Variants in KCND2 observed in about 807,000 individuals in gnomAD.
KCND2 encodes the protein A-type voltage-gated potassium channel KCND2.
In KCND2, 16 loss-of-function variants were observed where a neutral mutation model predicts 54.4. That is an observed-to-expected ratio of 0.29 (90% CI 0.20 to 0.45). The LOEUF (loss-of-function observed/expected upper bound fraction) is 0.45, where lower values mean the gene tolerates loss of function less well. KCND2 is among the 20% of genes least tolerant of loss of function. The pLI is 1.00. For missense variants in KCND2, 486 were observed against 824.2 expected (o/e 0.59, Z 5.02); for synonymous variants, 317 against 310.7 (o/e 1.02, Z -0.21).
intron 1 of KCND2, among the ~76,000 whole-genome samples, chr7:120,316,989 C>T (rs984293637): frequency 6.6e-6 from 1 of 152,016 alleles, no homozygotes; most frequent in African/African-American, 2.4e-5. Context: ...GCGCATTCAA[C>T]GATGCCCAGC....
intron 1 of KCND2, among the ~76,000 whole-genome samples, chr7:120,460,116 A>G (rs774595491): frequency 7.2e-5 from 11 of 152,112 alleles, no homozygotes; most frequent in Non-Finnish European, 1.2e-4. Context: ...TCCTAGCTAT[A>G]TTCTAGGGTA....
At chr7:120,669,893 T>C (rs1791970391) in intron 1 of KCND2, among the ~76,000 whole-genome samples, 2 of 152,056 alleles carry the variant, frequency 1.3e-5, no homozygotes, top group Admixed American at 1.3e-4. Flanking sequence ...AGAGGGAGGG[T>C]ACACATTCAC....
intron 1 of KCND2, among the ~76,000 whole-genome samples, chr7:120,293,661 T>C (rs1799469553): frequency 1.3e-5 from 2 of 151,866 alleles, no homozygotes; most frequent in South Asian, 4.1e-4. Flanking sequence ...TCACAGAAGC[T>C]CTCACTTAAT....
intron 1 of KCND2, among the ~76,000 whole-genome samples, chr7:120,534,364 T>C (rs1360658541): frequency 6.6e-6 from 1 of 152,136 alleles, no homozygotes; most frequent in Non-Finnish European, 1.5e-5. Context: ...TTCATCCTCC[T>C]TACCTAACCC....
intron 1 of KCND2, among the ~76,000 whole-genome samples, chr7:120,443,352 A>AAT (rs1554440159): frequency 4.1e-5 from 6 of 146,594 alleles, no homozygotes; most frequent in African/African-American, 1.0e-4. Context: ...TAACAATAAT[A>AAT]AATAATAATA....
chr7:120,354,853 C>T (rs1800475091), intron 1 of KCND2, among the ~76,000 whole-genome samples: 1 of 152,100 alleles, frequency 6.6e-6, no homozygotes, highest in Admixed American at 6.6e-5. Flanking sequence ...AAAAGAAAAC[C>T]CATAACATTG....
At chr7:120,468,638 G>T (rs557910835) in intron 1 of KCND2, among the ~76,000 whole-genome samples, 4 of 151,964 alleles carry the variant, frequency 2.6e-5, no homozygotes, top group Non-Finnish European at 5.9e-5. Context: ...TATTTAAAAG[G>T]CCATAGCAAC....
At chr7:120,454,581 A>C (rs892085817) in intron 1 of KCND2, among the ~76,000 whole-genome samples, 1 of 152,186 alleles carries the variant, frequency 6.6e-6, no homozygotes, top group Non-Finnish European at 1.5e-5. Context: ...AACCGGAAAA[A>C]AATTCGGACC....
chr7:120,714,333 TTCTA>T (rs1792576773), intron 1 of KCND2, among the ~76,000 whole-genome samples: 2 of 152,246 alleles, frequency 1.3e-5, no homozygotes, highest in South Asian at 2.1e-4. Flanking sequence ...AAATTACTGC[TTCTA>T]TCTGATTGTG....
At chr7:120,615,761 T>C (rs1793016072) in intron 1 of KCND2, among the ~76,000 whole-genome samples, 1 of 152,260 alleles carries the variant, frequency 6.6e-6, no homozygotes, top group South Asian at 2.1e-4. Context: ...TCTTTACTGC[T>C]CTGCTATTGT....
intron 1 of KCND2, among the ~76,000 whole-genome samples, chr7:120,635,999 C>T (rs571939844): frequency 6.6e-6 from 1 of 152,202 alleles, no homozygotes; most frequent in South Asian, 2.1e-4. Context: ...GGCCCTAAAG[C>T]TAAGTGCTGA....
At chr7:120,343,902 G>A (rs1800276117) in intron 1 of KCND2, among the ~76,000 whole-genome samples, 1 of 149,598 alleles carries the variant, frequency 6.7e-6, no homozygotes, top group Admixed American at 6.8e-5. Flanking sequence ...GCCATGAAAA[G>A]GTTTAGCACC....
chr7:120,604,141 C>A (rs1792848396), intron 1 of KCND2, among the ~76,000 whole-genome samples: 1 of 152,030 alleles, frequency 6.6e-6, no homozygotes, highest in East Asian at 1.9e-4. Context: ...AAAATGTTAG[C>A]CATTGCTGCT....
At chr7:120,704,090 T>C (rs1792435928) in intron 1 of KCND2, among the ~76,000 whole-genome samples, 1 of 152,214 alleles carries the variant, frequency 6.6e-6, no homozygotes, top group South Asian at 2.1e-4. Context: ...TAATAATGAC[T>C]ATTGGCCAAA....
chr7:120,681,015 G>A (rs575129390), intron 1 of KCND2, among the ~76,000 whole-genome samples: 1 of 152,102 alleles, frequency 6.6e-6, no homozygotes, highest in Non-Finnish European at 1.5e-5. Context: ...ATTCTTTAAG[G>A]AGAATTCCTG....
At chr7:120,554,320 A>G (rs1792136110) in intron 1 of KCND2, among the ~76,000 whole-genome samples, 1 of 152,112 alleles carries the variant, frequency 6.6e-6, no homozygotes, top group African/African-American at 2.4e-5. Context: ...TTGCATCAGA[A>G]TCACCTGGAG....
intron 1 of KCND2, among the ~76,000 whole-genome samples, chr7:120,378,844 C>A (rs62471538): frequency 0.1 from 15,511 of 151,796 alleles, 835 homozygotes; most frequent in Admixed American, 0.13. Flanking sequence ...TATTCTAAGG[C>A]CTGAGAGGGT....
intron 1 of KCND2, among the ~76,000 whole-genome samples, chr7:120,382,123 G>C (rs1401067296): frequency 6.6e-6 from 1 of 151,904 alleles, no homozygotes; most frequent in Non-Finnish European, 1.5e-5. Flanking sequence ...CCAGGAGAAA[G>C]TGTTGTTTTC....
At chr7:120,639,374 C>A (rs2116527475) in intron 1 of KCND2, among the ~76,000 whole-genome samples, 1 of 152,218 alleles carries the variant, frequency 6.6e-6, no homozygotes, top group Admixed American at 6.6e-5. Context: ...AATAGTACAG[C>A]TGGTCTTTTA....
Sources: gnomAD v4.1 joint callset for allele counts (sites outside exome capture counted in the v4.1 genomes callset) on GRCh38, gnomAD v4.1.1 for gene constraint, MANE v1.5 for transcripts, NCBI Gene and HGNC (gene_info 2026-07-23, HGNC 2026-07-21) for gene names.